Variants in GNPTAB observed in about 807,000 individuals in gnomAD.
GNPTAB encodes the protein N-acetylglucosamine-1-phosphotransferase subunits alpha/beta.
In GNPTAB, 92 loss-of-function variants were observed where a neutral mutation model predicts 136.6. The ratio of observed to expected loss-of-function variants is 0.67; its 90% CI spans 0.57 to 0.80. The LOEUF (loss-of-function observed/expected upper bound fraction) is 0.80. Among genes scored for constraint, GNPTAB ranks in the 30% least tolerant of loss-of-function variants. The pLI is 0.00. For missense variants in GNPTAB, 1,343 were observed against 1,501.8 expected, an observed-to-expected ratio of 0.89 and a Z score of 1.75; for synonymous variants, 512 against 535.1, an observed-to-expected ratio of 0.96 and a Z score of 0.60.
chr12:101,820,141 T>C (rs924900051), intron 1 of GNPTAB, among the ~76,000 whole-genome samples: 6 of 152,244 alleles, frequency 3.9e-5, no homozygotes, highest in Non-Finnish European at 8.8e-5. Context: ...TTACATACAT[T>C]AGGCACCTCA....
chr12:101,818,165 T>TTTCC (rs1311349556), intron 1 of GNPTAB, among the ~76,000 whole-genome samples: 2 of 152,170 alleles, frequency 1.3e-5, no homozygotes, highest in Non-Finnish European at 2.9e-5. Context: ...AATGGCATCT[T>TTTCC]TTCCTTAAGA....
At position 101,765,027 on chromosome 12, in the gene GNPTAB, T is replaced by C. The variant is rs1462582514; in HGVS notation, c.1890A>G (p.Thr630=). The part of the protein sequence containing the change: ...TNDEEFKMQI[T]VEVDTREGPK... Reference sequence around the variant, plus strand: ...GTCCCTCCCTTGTGTCCACCTCCACTGTTATCTGCATTTTGAACTCTTCAT... The same window carrying C: ...GTCCCTCCCTTGTGTCCACCTCCACCGTTATCTGCATTTTGAACTCTTCAT... Residue 630 remains threonine (T), a synonymous_variant, in exon 13 of 21, where the codon ACA becomes ACG. Transcript: ENST00000299314. 2 of 1,614,216 alleles carry C rather than the reference T, an allele frequency of 1.2e-6. No homozygotes were observed. Among genetic ancestry groups the C allele is most frequent in the South Asian group, 1.1e-5 (1 of 91,088 alleles).
At chr12:101,759,366 A>AT (rs901138797) in intron 16 of GNPTAB, among the ~76,000 whole-genome samples, 2 of 150,942 alleles carry the variant, frequency 1.3e-5, no homozygotes, top group African/African-American at 4.8e-5. Context: ...CCGTCTCAAA[A>AT]AAAAAAAAAA....
At chr12:101,824,404 CCA>C (rs1491248998) in intron 1 of GNPTAB, among the ~76,000 whole-genome samples, 6 of 56,446 alleles carry the variant, frequency 1.1e-4, no homozygotes, top group African/African-American at 4.2e-4. Context: ...AGAAATTTCA[CCA>C]TATATATATA....
Position 101,776,280 on chromosome 12 carries a change from A to T in GNPTAB, c.771+3872T>A, listed in dbSNP as rs1301726681. ...AACCCACCATGAATGAAAATGTTCT[A>T]TGGATACAAAATGATTTAGAGGGAT... On this transcript the variant is annotated intron_variant, in intron 7 of 20. Transcript: ENST00000299314. Among the ~76,000 whole-genome samples the T allele has an allele frequency of 3.9e-5, 6 of 152,248 alleles. 1 individual carries two copies. The highest frequency in any genetic ancestry group is 1.4e-4 in the African/African-American group (6 of 41,466).
intron 4 of GNPTAB, 71 bp from the exon 5 acceptor site, chr12:101,786,288 C>T: frequency 8.0e-7 from 1 of 1,254,088 alleles, no homozygotes; most frequent in Non-Finnish European, 1.1e-6. Flanking sequence ...GCTTGTCATA[C>T]TACTAAATTT....
intron 1 of GNPTAB, among the ~76,000 whole-genome samples, chr12:101,810,171 C>T (rs796754945): frequency 6.6e-6 from 1 of 151,974 alleles, no homozygotes; most frequent in South Asian, 2.1e-4. Flanking sequence ...TCTCTTCAGG[C>T]CACGAGTTCA....
In GNPTAB at chr12:101,760,113, T is replaced by A. The variant is rs749759865; in HGVS notation, c.3166A>T (p.Asn1056Tyr). The change falls in exon 16 of 21, where the codon AAT becomes TAT. Residue 1056 changes from asparagine (N) to tyrosine (Y), a missense_variant. Physicochemically the swap from Asn to Tyr is moderately radical, Grantham distance 143. Transcript: ENST00000299314. ...TCAGCAGGAAGCATTTTTGAGCAAT[T>A]TATTAGCATGTGTTCCAGACCTGTC... is the stretch of plus-strand genomic sequence containing the variant. ...DLTGLEHMLI[N>Y]CSKMLPADIT... 1.2e-5 allele frequency: 20 copies of A among 1,611,720 alleles called. No homozygotes were observed. The Admixed American group carries it at 2.0e-4, about 16-fold the overall frequency.
At chr12:101,764,053 G>C (rs557847956) in intron 13 of GNPTAB, 149 bp downstream of exon 13, 2 of 1,004,164 alleles carry the variant, frequency 2.0e-6, no homozygotes, top group East Asian at 2.4e-5. Context: ...TAGGGTTATT[G>C]GGTAAATTAA....
intron 16 of GNPTAB, among the ~76,000 whole-genome samples, chr12:101,759,729 C>T (rs1952963878): frequency 6.6e-6 from 1 of 152,176 alleles, no homozygotes; most frequent in Non-Finnish European, 1.5e-5. Flanking sequence ...GGTTAAACCT[C>T]AGGATTGTTC....
chr12:101,766,981 CT>C (rs1301000482), intron 11 of GNPTAB, among the ~76,000 whole-genome samples: 1 of 152,218 alleles, frequency 6.6e-6, no homozygotes, highest in African/African-American at 2.4e-5. Context: ...TTTGATACCC[CT>C]TGTTATCAAA....
chr12:101,791,371 C>T (rs1159374087), intron 2 of GNPTAB, among the ~76,000 whole-genome samples: 1 of 151,182 alleles, frequency 6.6e-6, no homozygotes. Context: ...CAGCAGTGTC[C>T]AATCTTTTGG....
Position 101,765,317 on chromosome 12 carries a change from A to C in GNPTAB, c.1613-13T>G. 1.3e-6 allele frequency: 2 copies of C among 1,568,052 alleles called. No homozygotes were observed. Among genetic ancestry groups the C allele is most frequent in the Non-Finnish European group, 1.8e-6 (2 of 1,138,790 alleles). Reference sequence around the variant, plus strand: ...TCATGAAAATGATCTAGAGGAAAAAACAGAAACATGATTTTTTTTTTAACT... The same window carrying C: ...TCATGAAAATGATCTAGAGGAAAAACCAGAAACATGATTTTTTTTTTAACT... On this transcript the variant is annotated splice_polypyrimidine_tract_variant and intron_variant, in intron 12 of 20. Coordinates refer to ENST00000299314, the MANE Select transcript of GNPTAB (RefSeq NM_024312.5).
intron 1 of GNPTAB, among the ~76,000 whole-genome samples, chr12:101,811,263 T>C (rs111430535): frequency 2.0e-3 from 308 of 152,354 alleles, no homozygotes; most frequent in African/African-American, 7.2e-3. Context: ...GTCTCAGCTA[T>C]TTAATTCTGC....
chr12:101,784,546 G>A (rs991935351), intron 5 of GNPTAB, among the ~76,000 whole-genome samples: 1 of 152,188 alleles, frequency 6.6e-6, no homozygotes, highest in Non-Finnish European at 1.5e-5. Context: ...TCAGATTTAT[G>A]TGAGACCTGT....
intron 16 of GNPTAB, among the ~76,000 whole-genome samples, chr12:101,759,544 A>T (rs916950151): frequency 7.2e-5 from 11 of 152,190 alleles, no homozygotes; most frequent in Admixed American, 6.5e-4. Context: ...CCTCTCTGAA[A>T]CTAAAATGTC....
intron 1 of GNPTAB, among the ~76,000 whole-genome samples, chr12:101,812,986 G>GT (rs56900181): frequency 0.024 from 2,788 of 117,432 alleles, 55 homozygotes; most frequent in African/African-American, 0.069. Context: ...TTTTGTGTGT[G>GT]TTTTTTTTTT....
At chr12:101,749,213 A>G (rs920841027) in intron 19 of GNPTAB, 22 bp from the exon 20 acceptor site, 41 of 1,379,358 alleles carry the variant, frequency 3.0e-5, no homozygotes, top group Non-Finnish European at 4.1e-5. Context: ...GAAGAAAGCA[A>G]CTATGTACTT....
At chr12:101,756,179 A>T (rs140820526) in intron 18 of GNPTAB, 56 of 154,770 alleles carry the variant, frequency 3.6e-4, no homozygotes, top group Middle Eastern at 6.8e-3. Flanking sequence ...TTTTGTAAAA[A>T]ATCAAGTATT....
Sources: allele counts gnomAD v4.1 joint callset (sites outside exome capture counted in the v4.1 genomes callset), GRCh38; gene constraint gnomAD v4.1.1; transcripts MANE v1.5; gene names NCBI Gene and HGNC (gene_info 2026-07-23, HGNC 2026-07-21).